The following AKNAD1 variants were observed in gnomAD, a reference collection of about 807,000 sequenced individuals.
The protein encoded by AKNAD1 is protein AKNAD1.
A neutral mutation model predicts 90.8 loss-of-function variants in AKNAD1; 67 were observed. The observed-to-expected ratio is 0.74, with a 90% confidence interval of 0.61 to 0.90. AKNAD1 has a LOEUF of 0.90. AKNAD1 is among the 40% of genes least tolerant of loss of function. The probability of loss-of-function intolerance (pLI) is 0.00; values close to 1 mark genes in which losing one functional copy is unlikely to be tolerated. For synonymous variants in AKNAD1, 327 were observed against 341.4 expected (o/e 0.96, Z 0.46); for missense variants, 957 against 975.4 (o/e 0.98, Z 0.25).
At chr1:108,846,793 A>G (rs939505867) in intron 5 of AKNAD1, among the ~76,000 whole-genome samples, 4 of 152,108 alleles carry the variant, frequency 2.6e-5, no homozygotes, top group African/African-American at 7.2e-5. Flanking sequence ...CTAACTGCCT[A>G]CTGGAGCCCT....
chr1:108,827,904 C>T (rs984875946), intron 10 of AKNAD1, among the ~76,000 whole-genome samples: 6 of 151,284 alleles, frequency 4.0e-5, no homozygotes, highest in African/African-American at 1.5e-4. Flanking sequence ...TACACATTCA[C>T]AAAACACATT....
intron 6 of AKNAD1, among the ~76,000 whole-genome samples, chr1:108,840,187 G>A (rs1413230721): frequency 4.6e-5 from 7 of 152,168 alleles, no homozygotes; most frequent in South Asian, 4.1e-4. Context: ...ATTTTCAGAT[G>A]CTATGGATTG....
intron 14 of AKNAD1, among the ~76,000 whole-genome samples, chr1:108,819,763 T>A (rs12022247): frequency 0.28 from 42,603 of 150,594 alleles, 6,771 homozygotes; most frequent in East Asian, 0.69. Flanking sequence ...TTTTTTTTTT[T>A]AATGTGCACC....
intron 11 of AKNAD1, among the ~76,000 whole-genome samples, chr1:108,826,643 T>C (rs1664001842): frequency 6.6e-6 from 1 of 151,526 alleles, no homozygotes; most frequent in African/African-American, 2.4e-5. Context: ...ATTGAGTCCA[T>C]GGAGTCCTTC....
intron 5 of AKNAD1, among the ~76,000 whole-genome samples, chr1:108,847,254 C>T (rs1455114182): frequency 1.3e-5 from 2 of 151,990 alleles, no homozygotes; most frequent in Non-Finnish European, 2.9e-5. Context: ...TCAAGACCAG[C>T]CCAGCCAACA....
chr1:108,848,771 T>C lies in AKNAD1; in HGVS notation c.1226A>G (p.His409Arg). 6.2e-7 allele frequency: 1 copy of C among 1,607,198 alleles called. No homozygotes were observed. The highest frequency in any genetic ancestry group is 1.1e-5 in the South Asian group (1 of 88,696). ...SKRIKQDSPY[H>R]LQDKKLVLEK... ...CATTACCAGCTTCTTGTCTTGCAAA[T>C]GGTAAGGAGAGTCCTGTTTTATTCT... Residue 409 changes from histidine to arginine, a missense_variant, in exon 5 of 16, where the codon CAT (histidine) becomes CGT (arginine). Physicochemically the swap from His to Arg is conservative, Grantham distance 29. Transcript: ENST00000370001.
intron 10 of AKNAD1, 66 bp downstream of exon 10, chr1:108,830,493 A>G (rs1664155594): frequency 4.7e-6 from 7 of 1,497,398 alleles, no homozygotes; most frequent in Middle Eastern, 1.7e-4. Flanking sequence ...GCCCACTCTC[A>G]CTGGAGTTAC....
intron 3 of AKNAD1, 47 bp downstream of exon 3, chr1:108,849,490 A>T: frequency 7.8e-7 from 1 of 1,277,436 alleles, no homozygotes; most frequent in South Asian, 1.2e-5. Context: ...AAAAGACAAA[A>T]ACAAAACATA....
Position 108,852,748 on chromosome 1 carries a change from T to C in AKNAD1, c.-84A>G. On this transcript the variant is annotated 5_prime_UTR_variant, in exon 2 of 16. Coordinates refer to ENST00000370001, the MANE Select transcript of AKNAD1 (RefSeq NM_152763.5). Reference sequence around the variant, plus strand: ...AACAATAGCTCTGGTTCTCACTGACTGTCTTCACTGTGTGCTATTCTGTGT... The same window carrying C: ...AACAATAGCTCTGGTTCTCACTGACCGTCTTCACTGTGTGCTATTCTGTGT... 2 of 1,297,434 alleles carry C rather than the reference T, an allele frequency of 1.5e-6. No individual in the cohort carries two copies. The highest frequency in any genetic ancestry group is 1.5e-5 in the South Asian group (1 of 66,716). The allele number at this position is 1,297,434 out of a possible 1,614,324, so 80.4% of individuals were successfully genotyped here. A position where few individuals can be genotyped will look rare whatever the true frequency, so the allele number is the denominator to read the frequency against.
At chr1:108,817,285 G>A in intron 14 of AKNAD1, 108 bp from the exon 15 acceptor site, 1 of 1,418,230 alleles carries the variant, frequency 7.1e-7, no homozygotes, top group South Asian at 1.4e-5. Context: ...TTGGGTGTGG[G>A]TGGATTCGTG....
chr1:108,827,311 A>G lies in AKNAD1; in HGVS notation c.1839-9T>C, dbSNP rs775967546. 8 of 1,588,782 alleles carry G rather than the reference A, an allele frequency of 5.0e-6. No individual in the cohort carries two copies. The African/African-American group carries it at 8.1e-5, about 16-fold the overall frequency. The stretch of plus-strand genomic sequence containing the variant: ...TCTCCACGTTTTGCTTCCTAAAAAA[A>G]GGTGCATAAGATCCTGTAAACTTTT... On this transcript the variant is annotated splice_polypyrimidine_tract_variant and intron_variant, in intron 10 of 15. Transcript: ENST00000370001.
At chr1:108,816,608 G>C (rs533934056) in intron 15 of AKNAD1, among the ~76,000 whole-genome samples, 2 of 152,302 alleles carry the variant, frequency 1.3e-5, no homozygotes, top group East Asian at 3.9e-4. Context: ...ACAGCTCTTA[G>C]AGGCCATTGA....
chr1:108,819,751 ATT>A (rs1042580652), intron 14 of AKNAD1, among the ~76,000 whole-genome samples: 1 of 105,408 alleles, frequency 9.5e-6, no homozygotes, highest in African/African-American at 3.4e-5. Context: ...GTCTCTACAA[ATT>A]TTTTTTTTTT....
chr1:108,826,779 G>A (rs1238907178), intron 11 of AKNAD1, among the ~76,000 whole-genome samples: 4 of 130,330 alleles, frequency 3.1e-5, no homozygotes, highest in African/African-American at 8.9e-5. Context: ...CTACTCTGTC[G>A]CCCAGGCTGG....
At chr1:108,839,471 T>TAAAAAAAAAAGAAAAAAAAAA (rs1664472879) in intron 6 of AKNAD1, among the ~76,000 whole-genome samples, 6 of 126,144 alleles carry the variant, frequency 4.8e-5, no homozygotes, top group East Asian at 2.1e-4. Context: ...TCCGTCTCAA[T>TAAAAAAAAAAGAAAAAAAAAA]AAAAAAAAAA....
At chr1:108,857,247 T>C (rs1014686019), upstream of AKNAD1, 7 of 152,654 alleles carry the variant, frequency 4.6e-5, no homozygotes, top group Non-Finnish European at 8.8e-5. Context: ...GGCCAGTCCC[T>C]GAGTAGGAAT....
At chr1:108,855,887 T>TA (rs1665020474) in intron 1 of AKNAD1, among the ~76,000 whole-genome samples, 9 of 150,554 alleles carry the variant, frequency 6.0e-5, no homozygotes, top group African/African-American at 1.7e-4. Flanking sequence ...TCTTTTTTTT[T>TA]TTTTTTTTAG....
intron 14 of AKNAD1, among the ~76,000 whole-genome samples, chr1:108,819,097 C>A (rs1474697961): frequency 1.3e-5 from 2 of 152,068 alleles, no homozygotes; most frequent in Non-Finnish European, 2.9e-5. Context: ...CACTCTGCTG[C>A]GCTATTGGTT....
At chr1:108,847,834 GC>G (rs1215301167) in intron 5 of AKNAD1, among the ~76,000 whole-genome samples, 1 of 152,170 alleles carries the variant, frequency 6.6e-6, no homozygotes, top group Non-Finnish European at 1.5e-5. Flanking sequence ...TTCTCCAGCT[GC>G]ATTTTAGCTG....
Sources: allele counts gnomAD v4.1 joint callset (sites outside exome capture counted in the v4.1 genomes callset), GRCh38; gene constraint gnomAD v4.1.1; transcripts MANE v1.5; gene names NCBI Gene and HGNC (gene_info 2026-07-23, HGNC 2026-07-21).